FMO3: variants seen among roughly 807,000 people sequenced by gnomAD.
FMO3 encodes flavin containing dimethylaniline monoxygenase 3.
A neutral mutation model predicts 39.4 loss-of-function variants in FMO3; 40 were observed. That is an observed-to-expected ratio of 1.02 (90% confidence interval 0.79 to 1.32). FMO3 has a LOEUF of 1.32. Ranked by LOEUF, FMO3 falls within the 40% of genes most tolerant of loss-of-function variation. The pLI, the probability that FMO3 is intolerant of heterozygous loss-of-function variation, is 0.00. For synonymous variants in FMO3, 219 were observed against 228.8 expected, an observed-to-expected ratio of 0.96 and a Z score of 0.39; for missense variants, 680 against 651.8, an observed-to-expected ratio of 1.04 and a Z score of -0.47.
intron 1 of FMO3, among the ~76,000 whole-genome samples, chr1:171,091,911 G>C (rs1222289489): frequency 6.7e-6 from 1 of 149,352 alleles, no homozygotes; most frequent in Non-Finnish European, 1.5e-5. Flanking sequence ...GTGTGTGTGT[G>C]TATGACTGTG....
chr1:171,096,829 G>A (rs1254408169), intron 2 of FMO3, among the ~76,000 whole-genome samples: 2 of 142,260 alleles, frequency 1.4e-5, no homozygotes, highest in African/African-American at 5.1e-5. Flanking sequence ...TAGGGTACAT[G>A]TGCACAATGT....
intron 3 of FMO3, among the ~76,000 whole-genome samples, chr1:171,106,459 A>T (rs1655644633): frequency 6.6e-6 from 1 of 152,188 alleles, no homozygotes; most frequent in Admixed American, 6.6e-5. Context: ...TTGTAATTGC[A>T]TATGTTGCTC....
rs1656023367 is a variant in FMO3, at chr1:171,113,945, T to C, written c.828-62T>C. ...TTTTCCTTCCTTATCAATTTATATATGGACCAATAAAACAAGAGGGAAATA... is the reference window on the plus strand; with the variant it reads ...TTTTCCTTCCTTATCAATTTATATACGGACCAATAAAACAAGAGGGAAATA... On this transcript the variant is annotated intron_variant, in intron 6 of 8. Coordinates refer to ENST00000367755, the MANE Select transcript of FMO3 (RefSeq NM_001002294.3). 8 of 1,213,844 alleles carry C rather than the reference T, an allele frequency of 6.6e-6. No individual in the cohort carries two copies. The South Asian group carries it at 8.4e-5, about 13-fold the overall frequency. The allele number at this position is 1,213,844 out of a possible 1,614,324, so 75.2% of individuals were successfully genotyped here.
intron 2 of FMO3, chr1:171,101,905 T>C: frequency 2.8e-6 from 1 of 359,164 alleles, no homozygotes; most frequent in South Asian, 2.1e-5. Flanking sequence ...TACCTCCCTT[T>C]TTTAACTTCC....
intron 3 of FMO3, among the ~76,000 whole-genome samples, chr1:171,107,098 A>T (rs1345441285): frequency 6.6e-6 from 1 of 152,208 alleles, no homozygotes; most frequent in East Asian, 1.9e-4. Flanking sequence ...AGATTTTTTT[A>T]AAACAGGGAG....
At chr1:171,106,238 T>C (rs1202340731) in intron 3 of FMO3, among the ~76,000 whole-genome samples, 1 of 152,054 alleles carries the variant, frequency 6.6e-6, no homozygotes, top group Non-Finnish European at 1.5e-5. Flanking sequence ...CCTCCTAGGT[T>C]CAAGTGATTC....
At chr1:171,116,158 G>A (rs1656138851) in intron 7 of FMO3, 50 bp from the exon 8 acceptor site, 4 of 1,123,224 alleles carry the variant, frequency 3.6e-6, no homozygotes, top group Non-Finnish European at 5.4e-6. Flanking sequence ...TTACAGGCTG[G>A]TCCTATGCCA....
chr1:171,113,813 A>C (rs913888651), intron 6 of FMO3, among the ~76,000 whole-genome samples, 194 bp from the exon 7 acceptor site: 16 of 152,190 alleles, frequency 1.1e-4, no homozygotes, highest in African/African-American at 3.6e-4. Context: ...AGATGGGGCC[A>C]GCAAATAACA....
chr1:171,117,628 C>G lies in FMO3; in HGVS notation c.*186C>G, dbSNP rs1188350137. 5.3e-6 allele frequency: 3 copies of G among 570,234 alleles called. No individual in the cohort carries two copies. Among genetic ancestry groups the G allele is most frequent in the Non-Finnish European group, 9.3e-6 (3 of 323,822 alleles). 35.3% of individuals were successfully genotyped at this position (570,234 alleles called of 1,614,324 possible). A position where few individuals can be genotyped will look rare whatever the true frequency, so the allele number is the denominator to read the frequency against. On this transcript the variant is annotated 3_prime_UTR_variant, in exon 9 of 9. Transcript: ENST00000367755. ...GAAATAGCCACTTTAAGAATCATGT[C>G]ATGATCTTAAGAGAGCACTAATCAT...
At chr1:171,114,844 A>C (rs985443189) in intron 7 of FMO3, among the ~76,000 whole-genome samples, 2 of 152,224 alleles carry the variant, frequency 1.3e-5, no homozygotes, top group African/African-American at 4.8e-5. Context: ...TTCCCTGACA[A>C]AAAAAGGACA....
At chr1:171,114,929 G>C (rs576024779) in intron 7 of FMO3, among the ~76,000 whole-genome samples, 2 of 152,328 alleles carry the variant, frequency 1.3e-5, no homozygotes, top group African/African-American at 4.8e-5. Context: ...GCTCAGTGTA[G>C]TAGATGATCA....
chr1:171,096,054 A>T (rs1377590240), intron 2 of FMO3, among the ~76,000 whole-genome samples: 2 of 54,306 alleles, frequency 3.7e-5, no homozygotes, highest in Non-Finnish European at 5.3e-5. Context: ...ATATAAATAT[A>T]TAATATATAT....
At chr1:171,102,379 C>T (rs2101906813) in intron 2 of FMO3, among the ~76,000 whole-genome samples, 1 of 152,260 alleles carries the variant, frequency 6.6e-6, no homozygotes, top group Non-Finnish European at 1.5e-5. Flanking sequence ...TACCTTGATG[C>T]TTCAACAGAG....
At position 171,117,584 on chromosome 1, in the gene FMO3, AGT is replaced by A. The variant is rs1656222088; in HGVS notation, c.*145_*146del. ...CTCTGTAGACATTAGTCAGTAATAC[AGT>A]GTTATTTCTAGGCTCTGAAATAGCC... is the stretch of plus-strand genomic sequence containing the variant. On this transcript the variant is annotated 3_prime_UTR_variant, in exon 9 of 9. Coordinates refer to ENST00000367755, the MANE Select transcript of FMO3 (RefSeq NM_001002294.3). The A allele has an allele frequency of 4.7e-6, 3 of 632,216 alleles. No individual in the cohort carries two copies. The highest frequency in any genetic ancestry group is 8.2e-6 in the Non-Finnish European group (3 of 367,258). The allele number at this position is 632,216 out of a possible 1,614,324, so 39.2% of individuals were successfully genotyped here. A position where few individuals can be genotyped will look rare whatever the true frequency, so the allele number is the denominator to read the frequency against.
chr1:171,098,724 T>A (rs966476231), intron 2 of FMO3, among the ~76,000 whole-genome samples: 1 of 152,216 alleles, frequency 6.6e-6, no homozygotes, highest in African/African-American at 2.4e-5. Flanking sequence ...TATACAATCA[T>A]GTCATCTGCA....
chr1:171,095,400 G>C (rs552210070), intron 2 of FMO3, among the ~76,000 whole-genome samples: 1 of 152,092 alleles, frequency 6.6e-6, no homozygotes, highest in Admixed American at 6.6e-5. Context: ...AGCAGGAATG[G>C]GGCTTCCCTA....
intron 6 of FMO3, among the ~76,000 whole-genome samples, chr1:171,111,595 A>G (rs1375998345): frequency 1.3e-5 from 2 of 151,914 alleles, no homozygotes; most frequent in Non-Finnish European, 2.9e-5. Context: ...ACCCCCTCTC[A>G]CTAAACACAT....
At chr1:171,108,755 C>T (rs1655763979) in intron 5 of FMO3, among the ~76,000 whole-genome samples, 1 of 152,038 alleles carries the variant, frequency 6.6e-6, no homozygotes, top group African/African-American at 2.4e-5. Flanking sequence ...GTGCTGAAGA[C>T]AGTGGTGAAC....
At position 171,114,063 on chromosome 1, in the gene FMO3, G is replaced by A. The variant is rs776442821; in HGVS notation, c.884G>A (p.Gly295Asp). Residue 295 changes from glycine to aspartate, a missense_variant, in exon 7 of 9, where the codon GGC (glycine) becomes GAC (aspartate). Transcript: ENST00000367755. ...NDELPASILC[G>D]IVSVKPNVKE... ...GAGCTCCCAGCAAGCATTCTGTGTGGCATTGTGTCCGTAAAGCCTAACGTG... is the reference window on the plus strand; with the variant it reads ...GAGCTCCCAGCAAGCATTCTGTGTGACATTGTGTCCGTAAAGCCTAACGTG... The A allele has an allele frequency of 1.2e-6, 2 of 1,613,288 alleles. No homozygotes were observed. Among genetic ancestry groups the A allele is most frequent in the Non-Finnish European group, 1.7e-6 (2 of 1,179,436 alleles).
Sources: allele counts gnomAD v4.1 joint callset (sites outside exome capture counted in the v4.1 genomes callset), GRCh38; gene constraint gnomAD v4.1.1; transcripts MANE v1.5; gene names NCBI Gene and HGNC (gene_info 2026-07-23, HGNC 2026-07-21).